Variants in CDH12 observed in about 807,000 individuals in gnomAD.
CDH12 encodes cadherin 12.
A neutral mutation model predicts 74.1 loss-of-function variants in CDH12; 41 were observed. That is an observed-to-expected ratio of 0.55 (90% CI 0.43 to 0.72). CDH12 has a LOEUF of 0.72. CDH12 is among the 30% of genes least tolerant of loss of function. The probability of loss-of-function intolerance (pLI) is 0.00; values close to 1 mark genes in which losing one functional copy is unlikely to be tolerated. For synonymous variants in CDH12, 399 were observed against 355.0 expected (o/e 1.12, Z -1.39); for missense variants, 945 against 977.2 (o/e 0.97, Z 0.44).
intron 1 of CDH12, among the ~76,000 whole-genome samples, chr5:22,679,421 T>A (rs1457117944): frequency 1.3e-5 from 2 of 152,072 alleles, no homozygotes; most frequent in African/African-American, 2.4e-5. Flanking sequence ...GTTATAATAA[T>A]AAGAATGATG....
intron 3 of CDH12, among the ~76,000 whole-genome samples, chr5:22,281,696 A>G (rs1736890829): frequency 6.6e-6 from 1 of 152,176 alleles, no homozygotes; most frequent in Non-Finnish European, 1.5e-5. Flanking sequence ...AAAGAGAACT[A>G]GAAACCACTG....
chr5:21,877,773 C>G (rs912694025), intron 6 of CDH12, among the ~76,000 whole-genome samples: 6 of 152,308 alleles, frequency 3.9e-5, no homozygotes, highest in Admixed American at 6.5e-5. Flanking sequence ...TTTTGGCAAT[C>G]CTGACACCTC....
chr5:22,484,482 A>G (rs1449147027), intron 2 of CDH12, among the ~76,000 whole-genome samples: 1 of 152,222 alleles, frequency 6.6e-6, no homozygotes, highest in Non-Finnish European at 1.5e-5. Context: ...TGAAAAGTAT[A>G]TTGAAAGCAT....
chr5:22,252,625 C>T (rs1753173945), intron 3 of CDH12, among the ~76,000 whole-genome samples: 1 of 152,158 alleles, frequency 6.6e-6, no homozygotes, highest in Admixed American at 6.5e-5. Context: ...CTAAACCTTT[C>T]TCAAATTGCA....
chr5:22,081,970 G>A (rs907656243), intron 4 of CDH12, among the ~76,000 whole-genome samples: 2 of 152,198 alleles, frequency 1.3e-5, no homozygotes, highest in African/African-American at 4.8e-5. Flanking sequence ...CCATTTATAT[G>A]TGAAGAATGT....
chr5:22,494,205 A>G (rs1017700568), intron 2 of CDH12, among the ~76,000 whole-genome samples: 1 of 152,224 alleles, frequency 6.6e-6, no homozygotes, highest in African/African-American at 2.4e-5. Flanking sequence ...CCGTCTGTGC[A>G]GTTGGTGTGT....
intron 4 of CDH12, among the ~76,000 whole-genome samples, chr5:22,117,462 ATATATAATATATATAT>A (rs1412660956): frequency 1.6e-5 from 1 of 64,368 alleles, no homozygotes. Context: ...TATATATTAT[ATATATAATATATATAT>A]TATATATATA....
At chr5:22,037,244 C>T (rs1269549355) in intron 5 of CDH12, among the ~76,000 whole-genome samples, 4 of 152,064 alleles carry the variant, frequency 2.6e-5, no homozygotes, top group East Asian at 3.9e-4. Context: ...GAGATTTTGC[C>T]GACATGATTA....
At chr5:21,855,295 T>C (rs1221404504) in intron 6 of CDH12, among the ~76,000 whole-genome samples, 2 of 151,700 alleles carry the variant, frequency 1.3e-5, no homozygotes, top group African/African-American at 4.8e-5. Flanking sequence ...TGAGAAACCA[T>C]AAATAATTGC....
intron 1 of CDH12, among the ~76,000 whole-genome samples, chr5:22,611,341 C>A (rs914520862): frequency 6.6e-6 from 1 of 152,112 alleles, no homozygotes; most frequent in Non-Finnish European, 1.5e-5. Flanking sequence ...TGAATTCATT[C>A]TTCTGTTTTG....
chr5:22,026,593 A>G (rs73067165), intron 5 of CDH12, among the ~76,000 whole-genome samples: 5,031 of 152,224 alleles, frequency 0.033, 288 homozygotes, highest in African/African-American at 0.11. Flanking sequence ...AGAATATTCT[A>G]TGCTTTCATT....
chr5:22,437,449 C>T (rs980794475), intron 2 of CDH12, among the ~76,000 whole-genome samples: 1 of 151,078 alleles, frequency 6.6e-6, no homozygotes, highest in Non-Finnish European at 1.5e-5. Context: ...CTAGTCTTAG[C>T]GGCCACATTA....
At chr5:22,108,428 T>A (rs1034624327) in intron 4 of CDH12, among the ~76,000 whole-genome samples, 17 of 152,246 alleles carry the variant, frequency 1.1e-4, no homozygotes, top group African/African-American at 4.1e-4. Flanking sequence ...AAAGATAATA[T>A]TTTTATGATA....
At chr5:22,199,801 C>T (rs1024906275) in intron 4 of CDH12, among the ~76,000 whole-genome samples, 3 of 152,208 alleles carry the variant, frequency 2.0e-5, no homozygotes, top group African/African-American at 7.2e-5. Context: ...CATTCTTTTT[C>T]TCTCTGCCTT....
intron 1 of CDH12, among the ~76,000 whole-genome samples, chr5:22,672,009 A>G (rs553163373): frequency 6.9e-6 from 1 of 145,024 alleles, no homozygotes; most frequent in South Asian, 2.1e-4. Flanking sequence ...AAGCATTTAT[A>G]TATATGAAAT....
At chr5:21,767,304 ATTTAT>A (rs1289626878) in intron 11 of CDH12, among the ~76,000 whole-genome samples, 2 of 151,626 alleles carry the variant, frequency 1.3e-5, no homozygotes, top group East Asian at 3.9e-4. Flanking sequence ...TTTCCTAGAG[ATTTAT>A]TTTATAATAT....
intron 4 of CDH12, among the ~76,000 whole-genome samples, chr5:22,123,357 AC>A (rs1298740158): frequency 1.3e-5 from 2 of 152,148 alleles, no homozygotes; most frequent in Non-Finnish European, 2.9e-5. Flanking sequence ...TTGTTAGTAA[AC>A]CACCTAGTCT....
chr5:22,691,612 A>G (rs1742084892), intron 1 of CDH12, among the ~76,000 whole-genome samples: 2 of 152,226 alleles, frequency 1.3e-5, no homozygotes, highest in Admixed American at 6.5e-5. Context: ...CTTAGGCATC[A>G]GGCTTTAAAC....
At chr5:22,801,684 T>TAC (rs1363188021) in intron 1 of CDH12, among the ~76,000 whole-genome samples, 7 of 89,268 alleles carry the variant, frequency 7.8e-5, no homozygotes, top group South Asian at 3.4e-4. Context: ...TATATATATA[T>TAC]ACACTTTGTT....
Sources: gnomAD v4.1 joint callset for allele counts (sites outside exome capture counted in the v4.1 genomes callset) on GRCh38, gnomAD v4.1.1 for gene constraint, MANE v1.5 for transcripts, NCBI Gene and HGNC (gene_info 2026-07-23, HGNC 2026-07-21) for gene names.